SNUPN: variants seen among roughly 807,000 people sequenced by gnomAD.
The protein encoded by SNUPN is snurportin-1.
A neutral mutation model predicts 39.2 loss-of-function variants in SNUPN; 31 were observed. That is an observed-to-expected ratio of 0.79 (90% CI 0.59 to 1.07). The LOEUF is 1.07. Ranked by LOEUF, SNUPN falls within the 50% of genes least tolerant of loss-of-function variation. The pLI, the probability that SNUPN is intolerant of heterozygous loss-of-function variation, is 0.00. For missense variants in SNUPN, 382 were observed against 434.2 expected (o/e 0.88, Z 1.07); for synonymous variants, 132 against 159.0 (o/e 0.83, Z 1.28).
chr15:75,603,343 G>A (rs553443402), intron 7 of SNUPN, among the ~76,000 whole-genome samples: 7 of 144,684 alleles, frequency 4.8e-5, no homozygotes, highest in South Asian at 4.5e-4. Flanking sequence ...TACCGCACTC[G>A]GCCTGGCCCA....
intron 8 of SNUPN, among the ~76,000 whole-genome samples, chr15:75,599,931 C>T (rs566563524): frequency 1.3e-5 from 2 of 151,794 alleles, no homozygotes; most frequent in African/African-American, 4.8e-5. Context: ...GTGCAACCTC[C>T]GCCTCCCGGG....
At chr15:75,609,009 T>C (rs2141367659) in intron 5 of SNUPN, among the ~76,000 whole-genome samples, 2 of 151,592 alleles carry the variant, frequency 1.3e-5, no homozygotes, top group Middle Eastern at 6.8e-3. Flanking sequence ...GTGCAGCCTA[T>C]AATCCCAGCT....
At chr15:75,621,981 A>G (rs1893084891) in intron 1 of SNUPN, among the ~76,000 whole-genome samples, 3 of 152,328 alleles carry the variant, frequency 2.0e-5, no homozygotes, top group African/African-American at 7.2e-5. Flanking sequence ...GGTTGCAGTG[A>G]GCCGAGATCG....
chr15:75,608,958 G>A (rs1020529905), intron 5 of SNUPN, among the ~76,000 whole-genome samples: 3 of 151,894 alleles, frequency 2.0e-5, no homozygotes, highest in African/African-American at 7.3e-5. Flanking sequence ...TGGCCAAAAT[G>A]GTGAAATCCA....
chr15:75,606,464 T>C (rs1267752746), intron 6 of SNUPN, among the ~76,000 whole-genome samples: 5 of 151,674 alleles, frequency 3.3e-5, no homozygotes, highest in Non-Finnish European at 7.4e-5. Flanking sequence ...ACCACTATGA[T>C]AAACTAATTG....
chr15:75,604,138 G>T (rs1191450440), intron 7 of SNUPN, among the ~76,000 whole-genome samples: 1 of 149,002 alleles, frequency 6.7e-6, no homozygotes, highest in Non-Finnish European at 1.5e-5. Flanking sequence ...CCTATAACTG[G>T]TTGTCCAATT....
chr15:75,600,833 G>A (rs1425353661), intron 8 of SNUPN: 1 of 315,388 alleles, frequency 3.2e-6, no homozygotes, highest in African/African-American at 2.2e-5. Flanking sequence ...GAAGGATCTA[G>A]GCATGCAAGT....
At chr15:75,610,441 C>T (rs994032858) in intron 3 of SNUPN, among the ~76,000 whole-genome samples, 2 of 151,290 alleles carry the variant, frequency 1.3e-5, no homozygotes, top group East Asian at 1.9e-4. Flanking sequence ...AAAAGGCTGA[C>T]AGTGGCACCT....
chr15:75,620,593 G>A (rs77237991), intron 2 of SNUPN, among the ~76,000 whole-genome samples: 24,827 of 152,120 alleles, frequency 0.16, 2,718 homozygotes, highest in Non-Finnish European at 0.24. Flanking sequence ...CGTGGCTTTC[G>A]CAAGTTCCTA....
rs1595979963 is a variant in SNUPN, at chr15:75,598,641, C to A, written c.800G>T (p.Ser267Ile). Residue 267 changes from serine to isoleucine, a missense_variant, in exon 9 of 9, where the codon AGC becomes ATC. Physicochemically the swap from Ser to Ile is moderately radical, Grantham distance 142. Coordinates refer to ENST00000308588, the MANE Select transcript of SNUPN (RefSeq NM_005701.4). ...LLFYHKQTHY[S>I]PGSTPLVGWL... ...GCCCACCAAGGGAGTGCTTCCGGGG[C>A]TGTAGTGGGTCTGTTTGTGGTAGAA... 1 of 1,610,656 alleles carries A rather than the reference C, an allele frequency of 6.2e-7. No homozygotes were observed. The highest frequency in any genetic ancestry group is 1.7e-4 in the Middle Eastern group (1 of 6,056).
intron 3 of SNUPN, among the ~76,000 whole-genome samples, 178 bp from the exon 4 acceptor site, chr15:75,610,172 TG>T (rs2141368887): frequency 6.6e-6 from 1 of 151,700 alleles, no homozygotes; most frequent in East Asian, 1.9e-4. Flanking sequence ...CTGTGGCAGG[TG>T]GATCACCTGA....
At chr15:75,619,640 T>C (rs770072971) in intron 2 of SNUPN, among the ~76,000 whole-genome samples, 10 of 151,976 alleles carry the variant, frequency 6.6e-5, no homozygotes, top group Non-Finnish European at 1.2e-4. Context: ...CTGTCTAAAA[T>C]ATATATATAT....
chr15:75,611,964 A>ACAGT lies in SNUPN; in HGVS notation c.304-1974_304-1971dup, dbSNP rs1282646048. ...TGCCTTCTTGCTCAATCTGACAGCC[A>ACAGT]CAGTCCAGATTTCCTACCCCACAGT... On this transcript the variant is annotated intron_variant, in intron 3 of 8. Coordinates refer to ENST00000308588, the MANE Select transcript of SNUPN (RefSeq NM_005701.4). 3.9e-5 allele frequency among the ~76,000 whole-genome samples: 6 copies of ACAGT among 151,964 alleles called. No homozygotes were observed. In the South Asian group the frequency reaches 1.0e-3, roughly 26 times the overall value.
intron 1 of SNUPN, 56 bp from the exon 2 acceptor site, chr15:75,621,112 C>G: frequency 6.4e-7 from 1 of 1,553,890 alleles, no homozygotes; most frequent in Non-Finnish European, 8.8e-7. Flanking sequence ...CTCCTGTATA[C>G]AGACAGTTAT....
At chr15:75,605,790 A>G (rs1457084975) in intron 6 of SNUPN, among the ~76,000 whole-genome samples, 1 of 152,188 alleles carries the variant, frequency 6.6e-6, no homozygotes, top group Non-Finnish European at 1.5e-5. Flanking sequence ...TCTGAGTTGT[A>G]GGCTTGGTTC....
At chr15:75,609,511 T>A in intron 5 of SNUPN, 47 bp downstream of exon 5, 2 of 1,524,190 alleles carry the variant, frequency 1.3e-6, no homozygotes, top group East Asian at 4.5e-5. Context: ...TTAAAGCAAA[T>A]TACACTGTCT....
chr15:75,623,514 G>A lies in SNUPN; in HGVS notation c.-6+2152C>T, dbSNP rs940556747. On this transcript the variant is annotated intron_variant, in intron 1 of 8. Transcript: ENST00000308588. ...GGCTGGACTACAGTGGTGTGATCTCGGCTCACTGCAGCCTCCACCTCCTGG... is the reference window on the plus strand; with the variant it reads ...GGCTGGACTACAGTGGTGTGATCTCAGCTCACTGCAGCCTCCACCTCCTGG... 3.3e-5 allele frequency among the ~76,000 whole-genome samples: 5 copies of A among 150,044 alleles called. No homozygotes were observed. In the East Asian group the frequency reaches 5.9e-4, roughly 18 times the overall value.
Position 75,601,180 on chromosome 15 carries a change from G to C in SNUPN, c.717C>G (p.Pro239=). 6.2e-7 allele frequency: 1 copy of C among 1,613,614 alleles called. No homozygotes were observed. The highest frequency in any genetic ancestry group is 1.3e-5 in the African/African-American group (1 of 75,018). Residue 239 remains proline (P), a synonymous_variant, in exon 8 of 9, where the codon CCC becomes CCG. Coordinates refer to ENST00000308588, the MANE Select transcript of SNUPN (RefSeq NM_005701.4). ...FVGLKNFPCT[P]ESLCDVLSMD... ...TAGATAGCACATCACACAGGCTTTC[G>C]GGAGTGCAAGGGAAGTTCTTTAGCC...
At chr15:75,604,847 A>G (rs1249652930) in intron 7 of SNUPN, among the ~76,000 whole-genome samples, 1 of 152,170 alleles carries the variant, frequency 6.6e-6, no homozygotes, top group African/African-American at 2.4e-5. Flanking sequence ...CAAGCAGCGT[A>G]CACTGCACCC....
Sources: gnomAD v4.1 joint callset for allele counts (sites outside exome capture counted in the v4.1 genomes callset) on GRCh38, gnomAD v4.1.1 for gene constraint, MANE v1.5 for transcripts, NCBI Gene and HGNC (gene_info 2026-07-23, HGNC 2026-07-21) for gene names.